Variants in LCORL observed in about 807,000 individuals in gnomAD.
LCORL encodes the protein ligand dependent nuclear receptor corepressor like, also known as ligand-dependent nuclear receptor corepressor-like protein.
In LCORL, 41 loss-of-function variants were observed where a neutral mutation model predicts 141.8. The observed-to-expected ratio is 0.29, with a 90% CI of 0.23 to 0.38. The LOEUF (loss-of-function observed/expected upper bound fraction) is 0.38, where lower values mean the gene tolerates loss of function less well. LCORL is among the 10% of genes least tolerant of loss of function. The pLI, the probability that LCORL is intolerant of heterozygous loss-of-function variation, is 1.00. For synonymous variants in LCORL, 618 were observed against 694.1 expected, an observed-to-expected ratio of 0.89 and a Z score of 1.72; for missense variants, 1,759 against 2,035.0, an observed-to-expected ratio of 0.86 and a Z score of 2.61.
intron 7 of LCORL, among the ~76,000 whole-genome samples, chr4:17,853,049 ATT>A (rs67695626): frequency 0.053 from 6,691 of 125,116 alleles, 292 homozygotes; most frequent in African/African-American, 0.12. Flanking sequence ...TAAAAGCTTG[ATT>A]TTTTTTTTTT....
intron 4 of LCORL, among the ~76,000 whole-genome samples, chr4:17,934,256 A>G (rs761872705): frequency 6.6e-6 from 1 of 152,096 alleles, no homozygotes; most frequent in Non-Finnish European, 1.5e-5. Context: ...TTTGTTCATC[A>G]AATGTAACAA....
At chr4:17,962,053 C>A in intron 3 of LCORL, 21 bp from the exon 4 acceptor site, 2 of 1,523,266 alleles carry the variant, frequency 1.3e-6, no homozygotes, top group South Asian at 1.3e-5. Context: ...AAGAAAACAA[C>A]AACATACAGA....
intron 4 of LCORL, among the ~76,000 whole-genome samples, chr4:17,957,165 G>A (rs751999104): frequency 1.3e-5 from 2 of 152,006 alleles, no homozygotes. Context: ...GATGGGAATA[G>A]TATTTGGGAG....
chr4:17,844,209 T>C (rs896532782), exon 8 of LCORL: 1 of 152,336 alleles, frequency 6.6e-6, no homozygotes, highest in African/African-American at 2.4e-5. Flanking sequence ...GCTACCAATT[T>C]ATGAGCACTA....
chr4:17,849,118 A>C (rs1723311102), intron 7 of LCORL, among the ~76,000 whole-genome samples: 1 of 152,224 alleles, frequency 6.6e-6, no homozygotes, highest in Non-Finnish European at 1.5e-5. Flanking sequence ...AGACAAACAA[A>C]AAGACAGCAG....
At chr4:17,968,945 A>C (rs1347877504) in intron 2 of LCORL, among the ~76,000 whole-genome samples, 1 of 152,230 alleles carries the variant, frequency 6.6e-6, no homozygotes, top group Non-Finnish European at 1.5e-5. Flanking sequence ...CCTAGAGAAA[A>C]AACAGTAAGC....
chr4:17,857,526 C>T (rs1724505712), intron 7 of LCORL, among the ~76,000 whole-genome samples: 1 of 152,156 alleles, frequency 6.6e-6, no homozygotes, highest in Admixed American at 6.5e-5. Context: ...CACAGGGCTT[C>T]TTAACATCAG....
At chr4:17,904,935 T>C (rs940052007) in intron 5 of LCORL, among the ~76,000 whole-genome samples, 1 of 152,136 alleles carries the variant, frequency 6.6e-6, no homozygotes, top group Admixed American at 6.5e-5. Context: ...ACACTGAATC[T>C]GTAAGCATCA....
chr4:17,962,144 T>A, intron 3 of LCORL, 112 bp from the exon 4 acceptor site: 1 of 580,624 alleles, frequency 1.7e-6, no homozygotes, highest in Non-Finnish European at 2.8e-6. Flanking sequence ...TTCTGCTCTT[T>A]AAATTGTATC....
chr4:17,849,780 C>G (rs1723406555), intron 7 of LCORL, among the ~76,000 whole-genome samples: 1 of 152,094 alleles, frequency 6.6e-6, no homozygotes, highest in South Asian at 2.1e-4. Context: ...GAAAAAACTA[C>G]TTTAAAGTTC....
chr4:17,967,516 CAA>C (rs1715146088), intron 2 of LCORL, among the ~76,000 whole-genome samples: 1 of 152,126 alleles, frequency 6.6e-6, no homozygotes, highest in Non-Finnish European at 1.5e-5. Context: ...ACTTTCTACT[CAA>C]TTTTTTCTGT....
intron 7 of LCORL, among the ~76,000 whole-genome samples, chr4:17,849,094 TG>T (rs1723306485): frequency 6.6e-6 from 1 of 152,244 alleles, no homozygotes. Context: ...GCTCCACCTC[TG>T]GGGGCAGGGC....
intron 4 of LCORL, among the ~76,000 whole-genome samples, chr4:17,949,409 T>C (rs78493756): frequency 0.034 from 5,137 of 152,208 alleles, 125 homozygotes; most frequent in African/African-American, 0.066. Flanking sequence ...CGTCCTTGAC[T>C]GTAGTTCCTC....
chr4:17,912,282 T>C, intron 4 of LCORL: 3 of 686,086 alleles, frequency 4.4e-6, no homozygotes, highest in Non-Finnish European at 8.2e-6. Flanking sequence ...CCAATGTCAC[T>C]TGGCTGCAGC....
intron 1 of LCORL, among the ~76,000 whole-genome samples, chr4:17,995,813 T>C (rs903727340): frequency 2.6e-5 from 4 of 152,092 alleles, no homozygotes; most frequent in Non-Finnish European, 2.9e-5. Flanking sequence ...TCATGAAATA[T>C]AGAATGTAAT....
chr4:17,963,303 A>G (rs16896157), intron 2 of LCORL, among the ~76,000 whole-genome samples: 11,751 of 152,076 alleles, frequency 0.077, 1,544 homozygotes, highest in African/African-American at 0.27. Flanking sequence ...TTTTCCAACA[A>G]TAGGGTTTTA....
chr4:17,843,441 T>G, exon 8 of LCORL: 2 of 1,609,396 alleles, frequency 1.2e-6, no homozygotes, highest in Non-Finnish European at 1.7e-6. Context: ...ACGATGGAGG[T>G]GGAATCCTTT....
intron 1 of LCORL, among the ~76,000 whole-genome samples, chr4:17,986,865 A>G (rs1020391018): frequency 6.6e-6 from 1 of 152,186 alleles, no homozygotes; most frequent in Non-Finnish European, 1.5e-5. Flanking sequence ...TCAAATTCAT[A>G]AATTACAAAC....
chr4:17,920,057 T>C (rs1366085662), intron 4 of LCORL, among the ~76,000 whole-genome samples: 1 of 152,228 alleles, frequency 6.6e-6, no homozygotes, highest in Non-Finnish European at 1.5e-5. Context: ...TCCTCTGTAA[T>C]ATCCTTCAGA....
Sources: allele counts gnomAD v4.1 joint callset (sites outside exome capture counted in the v4.1 genomes callset), GRCh38; gene constraint gnomAD v4.1.1; transcripts MANE v1.5; gene names NCBI Gene and HGNC (gene_info 2026-07-23, HGNC 2026-07-21).